SLC37A3: variants seen among roughly 807,000 people sequenced by gnomAD.
The protein encoded by SLC37A3 is solute carrier family 37 member 3, also known as sugar phosphate exchanger 3.
In SLC37A3, 51 loss-of-function variants were observed where a neutral mutation model predicts 67.1. The observed-to-expected ratio is 0.76, with a 90% CI of 0.61 to 0.96. SLC37A3 has a LOEUF of 0.96. SLC37A3 is among the 40% of genes least tolerant of loss of function. SLC37A3 has a pLI of 0.00. For synonymous variants in SLC37A3, 214 were observed against 231.4 expected, an observed-to-expected ratio of 0.92 and a Z score of 0.68; for missense variants, 508 against 603.0, an observed-to-expected ratio of 0.84 and a Z score of 1.65.
intron 3 of SLC37A3, among the ~76,000 whole-genome samples, chr7:140,375,946 G>T (rs1022876350): frequency 4.6e-5 from 7 of 152,196 alleles, no homozygotes; most frequent in African/African-American, 7.2e-5. Context: ...TGCAACCGCA[G>T]TGTTCCATCC....
At chr7:140,397,114 C>A (rs1798964565) in intron 1 of SLC37A3, among the ~76,000 whole-genome samples, 1 of 146,540 alleles carries the variant, frequency 6.8e-6, no homozygotes, top group African/African-American at 2.5e-5. Flanking sequence ...GCAGGAGAAT[C>A]ACTTGAACCC....
intron 1 of SLC37A3, among the ~76,000 whole-genome samples, chr7:140,387,456 A>G (rs991470352): frequency 6.6e-6 from 1 of 150,784 alleles, no homozygotes; most frequent in African/African-American, 2.4e-5. Flanking sequence ...TCTACTAAAA[A>G]TACAAAAAAT....
intron 10 of SLC37A3, among the ~76,000 whole-genome samples, chr7:140,347,539 A>G (rs539791195): frequency 1.4e-4 from 21 of 152,328 alleles, no homozygotes; most frequent in Non-Finnish European, 2.6e-4. Context: ...ACGGGCAGCC[A>G]AGTTCAAATA....
intron 8 of SLC37A3, 90 bp downstream of exon 8, chr7:140,351,972 A>T: frequency 1.5e-6 from 2 of 1,298,742 alleles, no homozygotes; most frequent in Non-Finnish European, 2.2e-6. Context: ...GAGTTTTCCT[A>T]GGAAAAAAGA....
intron 1 of SLC37A3, among the ~76,000 whole-genome samples, chr7:140,384,555 T>TAAAAAAA (rs202061188): frequency 7.1e-6 from 1 of 141,414 alleles, no homozygotes; most frequent in Non-Finnish European, 1.6e-5. Context: ...CTACAAAAAC[T>TAAAAAAA]AAAAAAAAAA....
intron 5 of SLC37A3, 58 bp from the exon 6 acceptor site, chr7:140,358,843 C>G (rs560837856): frequency 6.3e-7 from 1 of 1,594,244 alleles, no homozygotes; most frequent in East Asian, 2.2e-5. Flanking sequence ...TTTCAGTGGA[C>G]GCCACTCTAC....
intron 10 of SLC37A3, among the ~76,000 whole-genome samples, chr7:140,347,869 C>A (rs1796627980): frequency 3.3e-5 from 5 of 152,076 alleles, no homozygotes; most frequent in Non-Finnish European, 5.9e-5. Flanking sequence ...TGACGACCTA[C>A]ACACTAAGGT....
intron 2 of SLC37A3, among the ~76,000 whole-genome samples, chr7:140,381,222 A>AT (rs2129803603): frequency 6.6e-6 from 1 of 150,846 alleles, no homozygotes; most frequent in East Asian, 2.0e-4. Flanking sequence ...TTAAAAAAAA[A>AT]AAAAGGATGA....
At chr7:140,367,820 C>CTTTTTTT (rs34092614) in intron 4 of SLC37A3, among the ~76,000 whole-genome samples, 1 of 130,004 alleles carries the variant, frequency 7.7e-6, no homozygotes, top group African/African-American at 2.8e-5. Context: ...TCCCACCTTC[C>CTTTTTTT]TTTTTTTTTT....
rs1334878739 is a variant in SLC37A3 at position 140,345,961 on chromosome 7, A to G, written c.1034T>C (p.Leu345Ser). 6.2e-7 allele frequency: 1 copy of G among 1,613,246 alleles called. No homozygotes were observed. The highest frequency in any genetic ancestry group is 1.3e-5 in the African/African-American group (1 of 74,908). The change falls in exon 11 of 15, where the codon TTG becomes TCG. Residue 345 changes from leucine to serine, a missense_variant. Transcript: ENST00000326232. Reference protein sequence around the residue: ...YDVGGIIGGTLQGFISDVLQK... With the variant: ...YDVGGIIGGTSQGFISDVLQK... The stretch of plus-strand genomic sequence containing the variant: ...TAGTACATCAGAGATGAAGCCTTGC[A>G]AAGTTCCACCTTCAAGCAGAGTGTC...
chr7:140,395,640 G>A (rs1267061926), intron 1 of SLC37A3, among the ~76,000 whole-genome samples: 5 of 151,810 alleles, frequency 3.3e-5, no homozygotes, highest in South Asian at 2.1e-4. Context: ...CCCAGGAGGC[G>A]GAGGTTGCAG....
At chr7:140,350,223 C>A (rs762383261) in intron 9 of SLC37A3, among the ~76,000 whole-genome samples, 3 of 152,160 alleles carry the variant, frequency 2.0e-5, no homozygotes, top group African/African-American at 2.4e-5. Flanking sequence ...GGAAGGGGAA[C>A]TGAGACACAC....
At position 140,345,881 on chromosome 7, in the gene SLC37A3, T is replaced by A. The variant is rs1563010653; in HGVS notation, c.1114A>T (p.Ile372Phe). Residue 372 changes from isoleucine (I) to phenylalanine (F), a missense_variant, in exon 11 of 15, where the codon ATC becomes TTC. Ile to Phe is a conservative substitution (Grantham distance 21, BLOSUM62 0). Transcript: ENST00000326232. ...AAAGAATACTCACGACTATACCCGA[T>A]GAGGGACCCAACTGCCAGAAGCAGA... ...LSLLLAVGSL[I>F]GYSRSPNDKS... 1.2e-6 allele frequency: 2 copies of A among 1,613,396 alleles called. No homozygotes were observed. Among genetic ancestry groups the A allele is most frequent in the East Asian group, 4.5e-5 (2 of 44,866 alleles).
Position 140,348,697 on chromosome 7 carries a change from C to T in SLC37A3, c.953G>A (p.Ser318Asn). The change falls in exon 10 of 15, where the codon AGT (serine) becomes AAT (asparagine). Residue 318 changes from serine to asparagine, a missense_variant. Coordinates refer to ENST00000326232, the MANE Select transcript of SLC37A3 (RefSeq NM_207113.3). ...SFFFWLPFYL[S>N]NNFGWKEAEA... ...CGCCTCCTTCCAGCCGAAGTTGTTA[C>T]TCAGATAAAAGGGGAGCCAGAAGAA... 1.2e-6 allele frequency: 2 copies of T among 1,614,132 alleles called. No homozygotes were observed. Among genetic ancestry groups the T allele is most frequent in the Non-Finnish European group, 1.7e-6 (2 of 1,180,028 alleles).
In SLC37A3 at chr7:140,358,699, C is replaced by T. The variant is rs1258574784; in HGVS notation, c.462G>A (p.Leu154=). Residue 154 remains leucine, a synonymous_variant, in exon 6 of 15, where the codon CTG becomes CTA. Transcript: ENST00000326232. ...YCCLWIVNGL[L]QSTGWPCVVA... ...CCACACAGGGCCAACCAGTGGACTG[C>T]AGCAGGCCGTTCACAATCCACAGGC... is the stretch of plus-strand genomic sequence containing the variant. The T allele has an allele frequency of 2.5e-6, 4 of 1,614,180 alleles. No homozygotes were observed. Among genetic ancestry groups the T allele is most frequent in the Non-Finnish European group, 2.5e-6 (3 of 1,180,044 alleles).
chr7:140,372,120 G>A (rs1797845948), intron 3 of SLC37A3, among the ~76,000 whole-genome samples: 1 of 152,168 alleles, frequency 6.6e-6, no homozygotes, highest in Non-Finnish European at 1.5e-5. Context: ...AAAGTGCTGG[G>A]ATTACAGGTG....
At chr7:140,351,828 G>A (rs1796815018) in intron 8 of SLC37A3, 5 of 619,136 alleles carry the variant, frequency 8.1e-6, no homozygotes, top group Admixed American at 2.9e-5. Flanking sequence ...TTGCAAATGC[G>A]AAGATTTTCC....
chr7:140,362,358 C>A (rs1797353713), intron 5 of SLC37A3, among the ~76,000 whole-genome samples: 1 of 145,974 alleles, frequency 6.9e-6, no homozygotes, highest in African/African-American at 2.5e-5. Context: ...GTCCGGCAGC[C>A]ACCCCGTCTG....
At chr7:140,342,167 ACTATTAAAATACGG>A (rs1352374478) in intron 13 of SLC37A3, among the ~76,000 whole-genome samples, 2 of 152,186 alleles carry the variant, frequency 1.3e-5, no homozygotes, top group East Asian at 3.8e-4. Context: ...GTGCATATAG[ACTATTAAAATACGG>A]CTAGGTAGTC....
Sources: allele counts gnomAD v4.1 joint callset (sites outside exome capture counted in the v4.1 genomes callset), GRCh38; gene constraint gnomAD v4.1.1; transcripts MANE v1.5; gene names NCBI Gene and HGNC (gene_info 2026-07-23, HGNC 2026-07-21).